TRPM3: variants seen among roughly 807,000 people sequenced by gnomAD.
The protein encoded by TRPM3 is long transient receptor potential channel 3.
TRPM3 carries 77 observed loss-of-function variants against 181.2 expected under a neutral mutation model. That is an observed-to-expected ratio of 0.42 (90% CI 0.35 to 0.51). The LOEUF (loss-of-function observed/expected upper bound fraction) is 0.51. TRPM3 is among the 20% of genes least tolerant of loss of function. The probability of loss-of-function intolerance (pLI) is 0.01; values close to 1 mark genes in which losing one functional copy is unlikely to be tolerated. For missense variants in TRPM3, 1,759 were observed against 2,196.7 expected, an observed-to-expected ratio of 0.80 and a Z score of 3.98; for synonymous variants, 745 against 796.4, an observed-to-expected ratio of 0.94 and a Z score of 1.09.
At chr9:70,838,735 A>G (rs1564527759) in intron 5 of TRPM3, among the ~76,000 whole-genome samples, 1 of 152,188 alleles carries the variant, frequency 6.6e-6, no homozygotes, top group Non-Finnish European at 1.5e-5. Flanking sequence ...GCCAACCTCA[A>G]TAACTGAAAC....
intron 1 of TRPM3, among the ~76,000 whole-genome samples, chr9:71,415,733 A>G (rs530219267): frequency 6.6e-6 from 1 of 152,118 alleles, no homozygotes; most frequent in African/African-American, 2.4e-5. Flanking sequence ...TTCTATACTC[A>G]GCCCCCTGGA....
At position 70,623,926 on chromosome 9, in the gene TRPM3, T is replaced by C. The variant is rs570064967; in HGVS notation, c.1809+1265A>G. Among the ~76,000 whole-genome samples the C allele has an allele frequency of 6.8e-4, 103 of 152,228 alleles. 1 individual carries two copies. The highest frequency in any genetic ancestry group is 1.2e-3 in the Non-Finnish European group (81 of 68,012). On this transcript the variant is annotated intron_variant, in intron 14 of 25. Transcript: ENST00000677713. ...GGACTGATTGGCAGATGGACTAAGG[T>C]TATGTAGACTTGGACCTTTGGCAGA...
At chr9:71,151,925 A>C (rs948186685) in intron 1 of TRPM3, among the ~76,000 whole-genome samples, 1 of 152,118 alleles carries the variant, frequency 6.6e-6, no homozygotes, top group African/African-American at 2.4e-5. Context: ...TACTTCAACT[A>C]TCTGCCATCA....
At chr9:71,315,343 A>C (rs539817715) in intron 1 of TRPM3, among the ~76,000 whole-genome samples, 6 of 152,312 alleles carry the variant, frequency 3.9e-5, no homozygotes, top group Non-Finnish European at 5.9e-5. Context: ...TGCATAATTC[A>C]GGCATTTTTT....
intron 1 of TRPM3, among the ~76,000 whole-genome samples, chr9:71,052,579 A>G (rs2060176304): frequency 6.6e-6 from 1 of 152,164 alleles, no homozygotes; most frequent in African/African-American, 2.4e-5. Flanking sequence ...AAAATCACTT[A>G]CGCTTCTTGC....
chr9:70,923,561 C>G (rs989599543), intron 1 of TRPM3, among the ~76,000 whole-genome samples: 1 of 151,648 alleles, frequency 6.6e-6, no homozygotes, highest in Non-Finnish European at 1.5e-5. Flanking sequence ...TAAAGTAATG[C>G]CATTAATACA....
chr9:71,177,268 T>C (rs1375930158), intron 1 of TRPM3, among the ~76,000 whole-genome samples: 2 of 152,094 alleles, frequency 1.3e-5, no homozygotes, highest in East Asian at 1.9e-4. Flanking sequence ...ATGAGTTGTA[T>C]AATTATTTCA....
At chr9:70,957,404 A>T (rs563088461) in intron 1 of TRPM3, among the ~76,000 whole-genome samples, 3 of 152,256 alleles carry the variant, frequency 2.0e-5, no homozygotes, top group Non-Finnish European at 2.9e-5. Flanking sequence ...CTTGTTACCC[A>T]CTGCTCCGGG....
At chr9:70,650,647 C>T (rs1589796541) in intron 9 of TRPM3, among the ~76,000 whole-genome samples, 1 of 152,044 alleles carries the variant, frequency 6.6e-6, no homozygotes, top group Non-Finnish European at 1.5e-5. Context: ...TGGATCTCCA[C>T]TTTCTGTCAT....
intron 6 of TRPM3, among the ~76,000 whole-genome samples, chr9:70,787,763 CTTTTTTTTTT>C: frequency 7.3e-5 from 5 of 68,558 alleles, no homozygotes; most frequent in East Asian, 6.0e-4. Context: ...TTTTTGGATT[CTTTTTTTTTT>C]TTTTTTTTTT....
At chr9:71,420,315 T>C (rs1441987597) in intron 1 of TRPM3, among the ~76,000 whole-genome samples, 1 of 151,826 alleles carries the variant, frequency 6.6e-6, no homozygotes, top group African/African-American at 2.4e-5. Context: ...TCTCAAAGAG[T>C]CCTTAACCAT....
intron 1 of TRPM3, among the ~76,000 whole-genome samples, chr9:70,924,113 T>C (rs1191765268): frequency 2.0e-5 from 3 of 152,056 alleles, no homozygotes; most frequent in Non-Finnish European, 2.9e-5. Context: ...TTTTTGGTTG[T>C]TCCTTGTGGG....
chr9:70,824,821 T>C (rs1225500640), intron 6 of TRPM3: 2 of 152,080 alleles, frequency 1.3e-5, no homozygotes, highest in Non-Finnish European at 2.9e-5. Context: ...GCATTAAAGG[T>C]TTGTATTCTT....
chr9:70,651,989 T>A (rs918768065), intron 9 of TRPM3, among the ~76,000 whole-genome samples: 2 of 152,038 alleles, frequency 1.3e-5, no homozygotes, highest in African/African-American at 2.4e-5. Flanking sequence ...GCCACTGCAA[T>A]AAATCAAAGA....
intron 8 of TRPM3, among the ~76,000 whole-genome samples, chr9:70,748,400 T>A (rs2135009883): frequency 6.6e-6 from 1 of 152,244 alleles, no homozygotes; most frequent in South Asian, 2.1e-4. Flanking sequence ...ATGTTCTAAA[T>A]AAAGGTAGAT....
chr9:70,876,308 T>C (rs2095868592), intron 1 of TRPM3, among the ~76,000 whole-genome samples: 2 of 133,428 alleles, frequency 1.5e-5, no homozygotes, highest in Admixed American at 7.2e-5. Context: ...CATATACATA[T>C]ATAGACATAT....
chr9:71,406,872 G>A (rs1174208275), intron 1 of TRPM3, among the ~76,000 whole-genome samples: 2 of 152,060 alleles, frequency 1.3e-5, no homozygotes, highest in East Asian at 1.9e-4. Flanking sequence ...AAGGGTACAC[G>A]TTTAGAGCAG....
At chr9:71,435,465 A>G (rs1303421811) in intron 1 of TRPM3, among the ~76,000 whole-genome samples, 1 of 152,162 alleles carries the variant, frequency 6.6e-6, no homozygotes, top group Non-Finnish European at 1.5e-5. Flanking sequence ...AAGATAGGCA[A>G]TTTCCTCTTC....
chr9:70,917,208 C>T (rs566623558), intron 1 of TRPM3: 2 of 1,599,070 alleles, frequency 1.3e-6, no homozygotes, highest in South Asian at 1.1e-5. Context: ...TTATTGAAGT[C>T]CTGGATTGCA....
Sources: allele counts gnomAD v4.1 joint callset (sites outside exome capture counted in the v4.1 genomes callset), GRCh38; gene constraint gnomAD v4.1.1; transcripts MANE v1.5; gene names NCBI Gene and HGNC (gene_info 2026-07-23, HGNC 2026-07-21).